GOLPH3L: variants seen among roughly 807,000 people sequenced by gnomAD.
The protein encoded by GOLPH3L is golgi phosphoprotein 3 like, also known as Golgi phosphoprotein 3-like.
GOLPH3L carries 22 observed loss-of-function variants against 30.3 expected under a neutral mutation model. That is an observed-to-expected ratio of 0.73 (90% CI 0.52 to 1.04). The LOEUF is 1.04. Ranked by LOEUF, GOLPH3L falls within the 50% of genes least tolerant of loss-of-function variation. GOLPH3L has a pLI of 0.00. For synonymous variants in GOLPH3L, 120 were observed against 128.2 expected, an observed-to-expected ratio of 0.94 and a Z score of 0.43; for missense variants, 303 against 345.8, an observed-to-expected ratio of 0.88 and a Z score of 0.98.
Position 150,680,109 on chromosome 1 carries a change from AAC to A in GOLPH3L, c.183+14545_183+14546del, listed in dbSNP as rs200083386. Among the ~76,000 whole-genome samples, 8 of 152,300 alleles carry A rather than the reference AAC, an allele frequency of 5.3e-5. No individual in the cohort carries two copies. The East Asian group carries it at 1.5e-3, about 29-fold the overall frequency. On this transcript the variant is annotated intron_variant, in intron 2 of 4. Transcript: ENST00000271732. ...GGGAGTTTCAACAGGACGCTTCTGC[AAC>A]AGTTTAGATTGGAGGTAATAAGATA...
intron 2 of GOLPH3L, among the ~76,000 whole-genome samples, chr1:150,667,668 A>T (rs587705228): frequency 8.3e-5 from 12 of 144,354 alleles, no homozygotes; most frequent in Admixed American, 2.9e-4. Flanking sequence ...ATCTCGGCTG[A>T]CTGTAAGCTC....
At chr1:150,683,790 T>C (rs12093938) in intron 2 of GOLPH3L, among the ~76,000 whole-genome samples, 2,018 of 145,462 alleles carry the variant, frequency 0.014, 44 homozygotes, top group African/African-American at 0.049. Flanking sequence ...ATCACATCAT[T>C]AGACAATTTA....
intron 1 of GOLPH3L, among the ~76,000 whole-genome samples, chr1:150,696,509 T>C (rs974972024): frequency 2.0e-5 from 3 of 152,232 alleles, no homozygotes; most frequent in African/African-American, 2.4e-5. Context: ...CAACTAGCAC[T>C]GTCTTTAACA....
At chr1:150,691,337 G>A (rs1651206080) in intron 2 of GOLPH3L, among the ~76,000 whole-genome samples, 1 of 152,108 alleles carries the variant, frequency 6.6e-6, no homozygotes, top group Non-Finnish European at 1.5e-5. Flanking sequence ...CCAATATGGT[G>A]AAACCCCATC....
chr1:150,655,757 C>T (rs752106654), intron 4 of GOLPH3L, among the ~76,000 whole-genome samples: 1 of 152,224 alleles, frequency 6.6e-6, no homozygotes, highest in South Asian at 2.1e-4. Context: ...CTCCAGTTTT[C>T]GCAATTAAGA....
intron 2 of GOLPH3L, among the ~76,000 whole-genome samples, chr1:150,681,165 T>TA (rs1366514115): frequency 6.6e-6 from 1 of 152,100 alleles, no homozygotes; most frequent in Non-Finnish European, 1.5e-5. Flanking sequence ...AAAATATAAT[T>TA]AGTTAATCTA....
At position 150,648,317 on chromosome 1, in the gene GOLPH3L, G is replaced by A. The variant is rs754224090; in HGVS notation, c.*4C>T. The A allele has an allele frequency of 6.3e-5, 100 of 1,576,550 alleles. No individual in the cohort carries two copies. The South Asian group carries it at 7.5e-4, about 12-fold the overall frequency. On this transcript the variant is annotated 3_prime_UTR_variant, in exon 5 of 5. Coordinates refer to ENST00000271732, the MANE Select transcript of GOLPH3L (RefSeq NM_018178.6). ...GGGGAAAAGGAGAAATCCACCTGCC[G>A]GCTTTAAGATTTATTGAAGGCTGCC...
chr1:150,689,684 A>G (rs1651165483), intron 2 of GOLPH3L, among the ~76,000 whole-genome samples: 2 of 152,244 alleles, frequency 1.3e-5, no homozygotes, highest in Non-Finnish European at 2.9e-5. Context: ...TTACTCTGTC[A>G]CCCAGGCTAG....
intron 4 of GOLPH3L, among the ~76,000 whole-genome samples, chr1:150,656,633 C>T (rs1206965092): frequency 1.3e-5 from 2 of 152,150 alleles, no homozygotes; most frequent in African/African-American, 2.4e-5. Flanking sequence ...CTTTCACATA[C>T]TAATTCACAG....
chr1:150,683,354 G>A (rs1474699546), intron 2 of GOLPH3L, among the ~76,000 whole-genome samples: 2 of 151,982 alleles, frequency 1.3e-5, no homozygotes, highest in Non-Finnish European at 2.9e-5. Context: ...GGCCAACATG[G>A]TGAAACCCCG....
chr1:150,680,123 G>A (rs932687216), intron 2 of GOLPH3L, among the ~76,000 whole-genome samples: 5 of 152,104 alleles, frequency 3.3e-5, no homozygotes, highest in African/African-American at 1.2e-4. Context: ...GTTTAGATTG[G>A]AGGTAATAAG....
chr1:150,665,782 G>GT (rs1650487430), intron 2 of GOLPH3L, among the ~76,000 whole-genome samples: 1 of 151,908 alleles, frequency 6.6e-6, no homozygotes, highest in Non-Finnish European at 1.5e-5. Flanking sequence ...GTTCCTTCCT[G>GT]TATCTCAGAC....
intron 2 of GOLPH3L, among the ~76,000 whole-genome samples, chr1:150,665,885 G>A (rs1156320631): frequency 6.6e-6 from 1 of 152,136 alleles, no homozygotes; most frequent in Non-Finnish European, 1.5e-5. Flanking sequence ...TATCTGAAAT[G>A]TCTTTGTATT....
At chr1:150,659,393 A>G (rs1650319474) in intron 4 of GOLPH3L, among the ~76,000 whole-genome samples, 1 of 152,226 alleles carries the variant, frequency 6.6e-6, no homozygotes, top group Admixed American at 6.5e-5. Flanking sequence ...CCCAGGGCGG[A>G]AAACTGCTTA....
rs1041819817 is a variant in GOLPH3L, at chr1:150,646,413, A to G, written c.*1908T>C. On this transcript the variant is annotated 3_prime_UTR_variant, in exon 5 of 5. Transcript: ENST00000271732. ...TCAACTTCTATCTCCCAATCAAGCT[A>G]TAACTTTCCACAGGAAAACCTGGTT... 3 of 152,250 alleles carry G rather than the reference A, an allele frequency of 2.0e-5. No individual in the cohort carries two copies. The highest frequency in any genetic ancestry group is 4.4e-5 in the Non-Finnish European group (3 of 68,046). 9.4% of individuals were successfully genotyped at this position (152,250 alleles called of 1,614,324 possible).
At chr1:150,675,807 A>T (rs1030017521) in intron 2 of GOLPH3L, among the ~76,000 whole-genome samples, 5 of 133,668 alleles carry the variant, frequency 3.7e-5, no homozygotes, top group Non-Finnish European at 6.4e-5. Context: ...AAAAAAAAAA[A>T]GTATTGAGGA....
chr1:150,683,726 A>AAAAAAAAAAAAAAAAAAAC (rs1651018349), intron 2 of GOLPH3L, among the ~76,000 whole-genome samples: 1 of 70,566 alleles, frequency 1.4e-5, no homozygotes, highest in Non-Finnish European at 3.3e-5. Flanking sequence ...AAAAAAAAAA[A>AAAAAAAAAAAAAAAAAAAC]AAAAAAAGAG....
rs1312904593 is a variant in GOLPH3L at position 150,647,001 on chromosome 1, A to C, written c.*1320T>G. 1.3e-5 allele frequency: 2 copies of C among 152,226 alleles called. No individual in the cohort carries two copies. Among genetic ancestry groups the C allele is most frequent in the Non-Finnish European group, 2.9e-5 (2 of 68,038 alleles). The allele number at this position is 152,226 out of a possible 1,614,324, so 9.4% of individuals were successfully genotyped here. A position where few individuals can be genotyped will look rare whatever the true frequency, so the allele number is the denominator to read the frequency against. ...TTGGCCAGAAAGATGGTTTTACTGA[A>C]ATAAGACTGATGACTAGGAGCACAT... On this transcript the variant is annotated 3_prime_UTR_variant, in exon 5 of 5. Transcript: ENST00000271732.
chr1:150,653,912 A>T (rs2101779169), intron 4 of GOLPH3L, among the ~76,000 whole-genome samples: 1 of 151,656 alleles, frequency 6.6e-6, no homozygotes, highest in South Asian at 2.1e-4. Context: ...ACAGGTGCCC[A>T]CCACCACGCC....
Sources: allele counts gnomAD v4.1 joint callset (sites outside exome capture counted in the v4.1 genomes callset), GRCh38; gene constraint gnomAD v4.1.1; transcripts MANE v1.5; gene names NCBI Gene and HGNC (gene_info 2026-07-23, HGNC 2026-07-21).